Variants in IQCM observed in about 807,000 individuals in gnomAD.
The protein encoded by IQCM is IQ motif containing M.
A neutral mutation model predicts 57.6 loss-of-function variants in IQCM; 45 were observed. The ratio of observed to expected loss-of-function variants is 0.78; its 90% CI spans 0.62 to 1.00. The LOEUF is 1.00. Ranked by LOEUF, IQCM falls within the 50% of genes least tolerant of loss-of-function variation. The probability of loss-of-function intolerance (pLI) is 0.00; values close to 1 mark genes in which losing one functional copy is unlikely to be tolerated. For synonymous variants in IQCM, 148 were observed against 158.9 expected (o/e 0.93, Z 0.51); for missense variants, 468 against 511.6 (o/e 0.91, Z 0.82).
At chr4:149,721,263 T>C (rs1020931991) in intron 5 of IQCM, among the ~76,000 whole-genome samples, 2 of 152,156 alleles carry the variant, frequency 1.3e-5, no homozygotes, top group Non-Finnish European at 2.9e-5. Context: ...TATATGCAAA[T>C]ACGCCATTTT....
At chr4:149,441,519 T>C (rs1240287838) in intron 12 of IQCM, among the ~76,000 whole-genome samples, 1 of 152,198 alleles carries the variant, frequency 6.6e-6, no homozygotes, top group Admixed American at 6.6e-5. Context: ...GCCTTCTAAG[T>C]CATCCTTCTT....
chr4:149,427,056 A>G (rs1335404886), intron 13 of IQCM, among the ~76,000 whole-genome samples: 1 of 151,866 alleles, frequency 6.6e-6, no homozygotes, highest in Non-Finnish European at 1.5e-5. Context: ...ACTGAGAGTT[A>G]GTGTCATCCT....
At position 149,420,426 on chromosome 4, in the gene IQCM, A is replaced by T. The variant is rs182000873; in HGVS notation, c.1390+12970T>A. On this transcript the variant is annotated intron_variant, in intron 13 of 13. Transcript: ENST00000636793. ...CTCCCTTATAAGTAGGAGCTGAAAA[A>T]TGAGAACACATGGACACAGGGAGCG... Among the ~76,000 whole-genome samples the T allele has an allele frequency of 3.9e-5, 6 of 152,206 alleles. No individual in the cohort carries two copies. The East Asian group carries it at 1.2e-3, about 30-fold the overall frequency.
At chr4:149,534,279 C>T (rs978475338) in intron 12 of IQCM, among the ~76,000 whole-genome samples, 1 of 152,106 alleles carries the variant, frequency 6.6e-6, no homozygotes, top group Non-Finnish European at 1.5e-5. Flanking sequence ...TGTAGGTGTA[C>T]ATTCAATTTT....
At chr4:149,358,009 C>T (rs1336460993) in intron 13 of IQCM, among the ~76,000 whole-genome samples, 1 of 152,140 alleles carries the variant, frequency 6.6e-6, no homozygotes, top group Non-Finnish European at 1.5e-5. Flanking sequence ...TCCATTTCTT[C>T]TAGATTTTCT....
At chr4:149,449,183 G>A (rs1469355385) in intron 12 of IQCM, among the ~76,000 whole-genome samples, 18 of 110,218 alleles carry the variant, frequency 1.6e-4, no homozygotes, top group Non-Finnish European at 2.6e-4. Flanking sequence ...CCCCCAACCC[G>A]CCACCCCCCA....
At chr4:149,406,619 T>G (rs1732997283) in intron 13 of IQCM, among the ~76,000 whole-genome samples, 1 of 152,134 alleles carries the variant, frequency 6.6e-6, no homozygotes, top group African/African-American at 2.4e-5. Flanking sequence ...TACATGTCTT[T>G]AAGCCAAAGC....
intron 12 of IQCM, among the ~76,000 whole-genome samples, chr4:149,532,080 G>T (rs1452586868): frequency 6.6e-6 from 1 of 151,780 alleles, no homozygotes; most frequent in East Asian, 1.9e-4. Flanking sequence ...ACTTTTGTTG[G>T]GTGACTCATG....
intron 13 of IQCM, among the ~76,000 whole-genome samples, chr4:149,426,584 G>T (rs1038500404): frequency 1.3e-5 from 2 of 151,976 alleles, no homozygotes; most frequent in East Asian, 1.9e-4. Flanking sequence ...CACTAGAGCT[G>T]CAGTTATCTG....
intron 7 of IQCM, among the ~76,000 whole-genome samples, chr4:149,662,091 T>C (rs958745042): frequency 4.6e-5 from 7 of 152,046 alleles, no homozygotes; most frequent in African/African-American, 1.4e-4. Context: ...TATAAATAAC[T>C]CTGATATAAC....
At chr4:149,763,931 C>A (rs922627555) in intron 2 of IQCM, among the ~76,000 whole-genome samples, 1 of 151,298 alleles carries the variant, frequency 6.6e-6, no homozygotes, top group Non-Finnish European at 1.5e-5. Flanking sequence ...GGTGTTAGAG[C>A]TGAGCAAAGT....
intron 2 of IQCM, among the ~76,000 whole-genome samples, chr4:149,777,421 T>C (rs1034879488): frequency 1.3e-5 from 2 of 152,224 alleles, no homozygotes; most frequent in Non-Finnish European, 2.9e-5. Flanking sequence ...CCATTTTATA[T>C]GCCTGTTTTT....
intron 7 of IQCM, among the ~76,000 whole-genome samples, chr4:149,681,861 A>G (rs1762204608): frequency 6.6e-6 from 1 of 151,198 alleles, no homozygotes; most frequent in Non-Finnish European, 1.5e-5. Flanking sequence ...TTTTAAAATT[A>G]CAAATTTTGT....
chr4:149,755,915 T>A (rs906033150), intron 2 of IQCM, among the ~76,000 whole-genome samples: 1 of 152,128 alleles, frequency 6.6e-6, no homozygotes, highest in Non-Finnish European at 1.5e-5. Flanking sequence ...CCTGCTAGAA[T>A]GGAGGTGACT....
At chr4:149,398,140 T>C (rs1732361077) in intron 13 of IQCM, among the ~76,000 whole-genome samples, 1 of 152,050 alleles carries the variant, frequency 6.6e-6, no homozygotes, top group African/African-American at 2.4e-5. Context: ...AACACCTTTA[T>C]TGAAGGTGTT....
intron 2 of IQCM, among the ~76,000 whole-genome samples, chr4:149,747,503 G>C (rs560808556): frequency 6.6e-6 from 1 of 152,040 alleles, no homozygotes; most frequent in Non-Finnish European, 1.5e-5. Flanking sequence ...CAAGAAAAAA[G>C]TCTGCACATT....
chr4:149,628,257 A>G lies in IQCM; in HGVS notation c.566-7013T>C, dbSNP rs574090489. Among the ~76,000 whole-genome samples, 4 of 152,290 alleles carry G rather than the reference A, an allele frequency of 2.6e-5. No individual in the cohort carries two copies. In the East Asian group the frequency reaches 5.8e-4, roughly 22 times the overall value. On this transcript the variant is annotated intron_variant, in intron 7 of 13. Transcript: ENST00000636793. The stretch of plus-strand genomic sequence containing the variant: ...TAGAAAAGTGCTTGGCATTCTCACT[A>G]TATTATAATAAGCCAACTCTTTGAA...
chr4:149,700,593 A>G (rs901770524), intron 5 of IQCM, among the ~76,000 whole-genome samples: 1 of 152,140 alleles, frequency 6.6e-6, no homozygotes, highest in African/African-American at 2.4e-5. Flanking sequence ...AAAACAACTC[A>G]TTAAAAACAT....
intron 13 of IQCM, among the ~76,000 whole-genome samples, chr4:149,399,373 CGAAGTGGA>C (rs1348036616): frequency 6.6e-6 from 1 of 151,194 alleles, no homozygotes; most frequent in African/African-American, 2.4e-5. Flanking sequence ...ATTAATTAGA[CGAAGTGGA>C]AGAATAGGGA....
Sources: gnomAD v4.1 joint callset for allele counts (sites outside exome capture counted in the v4.1 genomes callset) on GRCh38, gnomAD v4.1.1 for gene constraint, MANE v1.5 for transcripts, NCBI Gene and HGNC (gene_info 2026-07-23, HGNC 2026-07-21) for gene names.